ERO1B: variants seen among roughly 807,000 people sequenced by gnomAD.
ERO1B encodes ERO1-like protein beta.
A neutral mutation model predicts 75.3 loss-of-function variants in ERO1B; 49 were observed. The ratio of observed to expected loss-of-function variants is 0.65; its 90% CI spans 0.52 to 0.83. ERO1B has a LOEUF of 0.83. Ranked by LOEUF, ERO1B falls within the 40% of genes least tolerant of loss-of-function variation. ERO1B has a pLI of 0.00. For missense variants in ERO1B, 512 were observed against 560.1 expected, an observed-to-expected ratio of 0.91 and a Z score of 0.87; for synonymous variants, 191 against 192.9, an observed-to-expected ratio of 0.99 and a Z score of 0.08.
In ERO1B at chr1:236,281,902, T is replaced by G. The variant is rs1394385748; in HGVS notation, c.-119A>C. 8.0e-6 allele frequency: 5 copies of G among 621,388 alleles called. No homozygotes were observed. Among genetic ancestry groups the G allele is most frequent in the Non-Finnish European group, 1.2e-5 (5 of 423,830 alleles). The allele number at this position is 621,388 out of a possible 1,614,324, so 38.5% of individuals were successfully genotyped here. The stretch of plus-strand genomic sequence containing the variant: ...GGCCGAGCGACTCCAGGGTCAGAGG[T>G]CTGCACTCCAGTCCGGAGGCAGGCG... On this transcript the variant is annotated 5_prime_UTR_variant, in exon 1 of 16. Coordinates refer to ENST00000354619, the MANE Select transcript of ERO1B (RefSeq NM_019891.4).
intron 6 of ERO1B, among the ~76,000 whole-genome samples, chr1:236,238,013 G>C (rs1378689511): frequency 6.6e-6 from 1 of 152,086 alleles, no homozygotes. Flanking sequence ...TTGGTTTTTT[G>C]TATTTTTAGT....
At chr1:236,266,215 G>A (rs1572065066) in intron 2 of ERO1B, among the ~76,000 whole-genome samples, 1 of 152,228 alleles carries the variant, frequency 6.6e-6, no homozygotes, top group East Asian at 1.9e-4. Context: ...AGAGAAGTTA[G>A]AAATACCAGC....
chr1:236,278,615 G>A (rs1206278325), intron 1 of ERO1B, among the ~76,000 whole-genome samples: 3 of 152,022 alleles, frequency 2.0e-5, no homozygotes, highest in Non-Finnish European at 4.4e-5. Context: ...GGGGCTCTGT[G>A]TATTACTCAA....
intron 1 of ERO1B, among the ~76,000 whole-genome samples, chr1:236,279,895 T>C (rs144409774): frequency 0.012 from 1,771 of 150,870 alleles, 17 homozygotes; most frequent in Non-Finnish European, 0.021. Flanking sequence ...AAACCAAATA[T>C]ATTCACTTGG....
At chr1:236,224,270 G>T (rs943966688) in intron 13 of ERO1B, among the ~76,000 whole-genome samples, 3 of 151,998 alleles carry the variant, frequency 2.0e-5, no homozygotes, top group Admixed American at 6.6e-5. Flanking sequence ...TTCAGTTTTT[G>T]AAACTACCCG....
rs200964834 is a variant in ERO1B at position 236,230,269 on chromosome 1, T to C, written c.686-19A>G. ...GATTCTCCTGAGAGAGAGAGAAAAG[T>C]GGATTAAAACATTATATGGTCATTT... On this transcript the variant is annotated intron_variant, in intron 9 of 15. Coordinates refer to ENST00000354619, the MANE Select transcript of ERO1B (RefSeq NM_019891.4). 1 of 1,576,512 alleles carries C rather than the reference T, an allele frequency of 6.3e-7. No individual in the cohort carries two copies. The highest frequency in any genetic ancestry group is 8.7e-7 in the Non-Finnish European group (1 of 1,147,638).
intron 2 of ERO1B, among the ~76,000 whole-genome samples, chr1:236,255,102 C>CT (rs879908403): frequency 0.02 from 1,667 of 84,602 alleles, 24 homozygotes; most frequent in African/African-American, 0.049. Flanking sequence ...TTTTTTCTTT[C>CT]TTTTTTTTTT....
chr1:236,250,860 TTGG>T, intron 4 of ERO1B, among the ~76,000 whole-genome samples: 1 of 151,976 alleles, frequency 6.6e-6, no homozygotes, highest in East Asian at 1.9e-4. Context: ...GGAAAATTAT[TTGG>T]TATTATTTCT....
At chr1:236,233,309 C>CAAAAAAAAA (rs747020101) in intron 8 of ERO1B, among the ~76,000 whole-genome samples, 1 of 103,212 alleles carries the variant, frequency 9.7e-6, no homozygotes. Flanking sequence ...AATTCCGTCT[C>CAAAAAAAAA]AAAAAAAAAA....
At chr1:236,223,030 T>A (rs1362391297) in intron 13 of ERO1B, among the ~76,000 whole-genome samples, 1 of 151,856 alleles carries the variant, frequency 6.6e-6, no homozygotes, top group Non-Finnish European at 1.5e-5. Flanking sequence ...TAGTGAAACC[T>A]CATGTCTACT....
At chr1:236,234,801 C>T (rs772772679) in intron 8 of ERO1B, among the ~76,000 whole-genome samples, 3 of 152,262 alleles carry the variant, frequency 2.0e-5, no homozygotes, top group African/African-American at 4.8e-5. Context: ...ACTGGAATGG[C>T]AGGTCAATGA....
intron 5 of ERO1B, among the ~76,000 whole-genome samples, chr1:236,244,646 A>G (rs1558512743): frequency 6.6e-6 from 1 of 152,208 alleles, no homozygotes; most frequent in African/African-American, 2.4e-5. Flanking sequence ...TTCTTTGAGC[A>G]TCCTCATTTG....
intron 8 of ERO1B, among the ~76,000 whole-genome samples, chr1:236,233,480 T>A (rs1420305171): frequency 6.7e-6 from 1 of 149,540 alleles, no homozygotes; most frequent in Non-Finnish European, 1.5e-5. Context: ...CACCTTGTCA[T>A]CCCAGCTGCT....
At chr1:236,274,745 A>G (rs1298772733) in intron 1 of ERO1B, among the ~76,000 whole-genome samples, 2 of 66,246 alleles carry the variant, frequency 3.0e-5, no homozygotes, top group Non-Finnish European at 8.9e-5. Flanking sequence ...AAATTAGAAG[A>G]AAAAAAAAAG....
intron 1 of ERO1B, 92 bp downstream of exon 1, chr1:236,281,590 G>GCCCGGCCCTA: frequency 2.0e-6 from 2 of 990,946 alleles, no homozygotes; most frequent in Non-Finnish European, 2.7e-6. Context: ...GCCCGGCCCT[G>GCCCGGCCCTA]CCCGGCCCTC....
At chr1:236,268,841 G>A (rs371356954) in intron 2 of ERO1B, among the ~76,000 whole-genome samples, 9 of 152,088 alleles carry the variant, frequency 5.9e-5, no homozygotes, top group East Asian at 1.9e-4. Context: ...AGCCGAGATC[G>A]CGCCACTGCA....
chr1:236,228,630 T>C, intron 10 of ERO1B, among the ~76,000 whole-genome samples: 1 of 152,236 alleles, frequency 6.6e-6, no homozygotes, highest in South Asian at 2.1e-4. Context: ...TTTCAGCACT[T>C]GAACTTTCAG....
rs781541513 is a variant in ERO1B, at chr1:236,237,632, G to A, written c.506-1234C>T. On this transcript the variant is annotated intron_variant, in intron 6 of 15. Coordinates refer to ENST00000354619, the MANE Select transcript of ERO1B (RefSeq NM_019891.4). ...TTCCTTTATTTATATGCTTACTACCGTTTGTTGTCATGAATTTAAACAATA... is the reference window on the plus strand; with the variant it reads ...TTCCTTTATTTATATGCTTACTACCATTTGTTGTCATGAATTTAAACAATA... Among the ~76,000 whole-genome samples the A allele has an allele frequency of 7.2e-5, 11 of 151,998 alleles. No individual in the cohort carries two copies. The South Asian group carries it at 1.0e-3, about 14-fold the overall frequency.
intron 2 of ERO1B, among the ~76,000 whole-genome samples, chr1:236,265,260 C>T (rs562714740): frequency 1.3e-5 from 2 of 152,164 alleles, no homozygotes; most frequent in African/African-American, 4.8e-5. Context: ...AAGAAATATA[C>T]ATCATTCTTA....
Sources: gnomAD v4.1 joint callset for allele counts (sites outside exome capture counted in the v4.1 genomes callset) on GRCh38, gnomAD v4.1.1 for gene constraint, MANE v1.5 for transcripts, NCBI Gene and HGNC (gene_info 2026-07-23, HGNC 2026-07-21) for gene names.